Variants in PLCH1 observed in about 807,000 individuals in gnomAD.
PLCH1 encodes the protein 1-phosphatidylinositol 4,5-bisphosphate phosphodiesterase eta-1.
In PLCH1, 60 loss-of-function variants were observed where a neutral mutation model predicts 126.7. The ratio of observed to expected loss-of-function variants is 0.47; its 90% CI spans 0.38 to 0.59. The LOEUF is 0.59. PLCH1 is among the 20% of genes least tolerant of loss of function. The probability of loss-of-function intolerance (pLI) is 0.00; values close to 1 mark genes in which losing one functional copy is unlikely to be tolerated. For synonymous variants in PLCH1, 719 were observed against 734.9 expected (o/e 0.98, Z 0.35); for missense variants, 1,723 against 2,040.0 (o/e 0.84, Z 2.99).
chr3:155,539,471 G>C (rs1723921085), intron 10 of PLCH1, among the ~76,000 whole-genome samples: 1 of 152,100 alleles, frequency 6.6e-6, no homozygotes, highest in African/African-American at 2.4e-5. Flanking sequence ...AATTGTTGCT[G>C]TTCGCTGATG....
intron 8 of PLCH1, among the ~76,000 whole-genome samples, chr3:155,554,703 T>C (rs772240247): frequency 6.6e-6 from 1 of 152,228 alleles, no homozygotes; most frequent in Non-Finnish European, 1.5e-5. Context: ...AGTTATAAAA[T>C]AACATCAACT....
Position 155,600,740 on chromosome 3 carries a change from T to G in PLCH1, c.80-4362A>C, listed in dbSNP as rs138186833. Among the ~76,000 whole-genome samples the G allele has an allele frequency of 3.0e-3, 455 of 152,324 alleles. 2 individuals carry two copies. The highest frequency in any genetic ancestry group is 0.019 in the South Asian group (93 of 4,832). On this transcript the variant is annotated intron_variant, in intron 2 of 22. Transcript: ENST00000460012. Reference sequence around the variant, plus strand: ...AAAAATGTGTTGCACTGGTTGAAATTGTGATATTTAAGCCATTTGGCACTC... The same window carrying G: ...AAAAATGTGTTGCACTGGTTGAAATGGTGATATTTAAGCCATTTGGCACTC...
chr3:155,651,777 C>T (rs922867857), intron 2 of PLCH1, among the ~76,000 whole-genome samples: 3 of 152,154 alleles, frequency 2.0e-5, no homozygotes, highest in Non-Finnish European at 4.4e-5. Context: ...CTAATTCCTT[C>T]TTTCAATTTT....
intron 1 of PLCH1, among the ~76,000 whole-genome samples, chr3:155,713,159 G>A (rs953652551): frequency 3.0e-4 from 46 of 151,972 alleles, no homozygotes; most frequent in South Asian, 2.1e-4. Context: ...CTGACATTCC[G>A]CTTCCCTATA....
chr3:155,546,023 G>A (rs1259243350), intron 10 of PLCH1, among the ~76,000 whole-genome samples: 4 of 152,046 alleles, frequency 2.6e-5, no homozygotes, highest in African/African-American at 4.8e-5. Context: ...ACATAGTGTT[G>A]GAAGTTCTGG....
Position 155,549,968 on chromosome 3 carries a change from G to C in PLCH1, c.1191-10C>G. On this transcript the variant is annotated splice_polypyrimidine_tract_variant and intron_variant, in intron 9 of 22. Coordinates refer to ENST00000460012, the MANE Select transcript of PLCH1 (RefSeq NM_014996.4). ...CAATATAACAGGAAACCTGAGAAAA[G>C]AGCAACACAGTCCAGAGGCGTCAGG... is the stretch of plus-strand genomic sequence containing the variant. 6.2e-7 allele frequency: 1 copy of C among 1,612,078 alleles called. No individual in the cohort carries two copies. Among genetic ancestry groups the C allele is most frequent in the South Asian group, 1.1e-5 (1 of 90,728 alleles).
chr3:155,741,819 ATCAC>A lies in PLCH1; in HGVS notation c.-41+3017_-41+3020del, dbSNP rs1749667423. 2.6e-5 allele frequency among the ~76,000 whole-genome samples: 4 copies of A among 151,628 alleles called. No homozygotes were observed. The South Asian group carries it at 8.3e-4, about 31-fold the overall frequency. Reference sequence around the variant, plus strand: ...CAGAGCCAGAACAAAGGATTACTGAATCACTCACCTTATCTTCATCTAAGAAACC... The same window carrying A: ...CAGAGCCAGAACAAAGGATTACTGAATCACCTTATCTTCATCTAAGAAACC... On this transcript the variant is annotated intron_variant, in intron 1 of 22. Transcript: ENST00000460012.
intron 2 of PLCH1, among the ~76,000 whole-genome samples, chr3:155,665,180 G>A (rs539115641): frequency 6.6e-6 from 1 of 152,228 alleles, no homozygotes; most frequent in South Asian, 2.1e-4. Context: ...AGAACCACAA[G>A]ACAGAAGCAG....
chr3:155,459,119 T>C (rs1437567782), intron 21 of PLCH1, among the ~76,000 whole-genome samples: 2 of 152,220 alleles, frequency 1.3e-5, no homozygotes, highest in Non-Finnish European at 2.9e-5. Context: ...GGTAAGTCTT[T>C]GAATATTAAG....
chr3:155,577,381 TG>T (rs1441470241), intron 6 of PLCH1, among the ~76,000 whole-genome samples: 9 of 152,174 alleles, frequency 5.9e-5, no homozygotes, highest in East Asian at 1.9e-4. Context: ...ATTTTTCCAT[TG>T]TTTTTTTTTT....
At chr3:155,486,628 C>T (rs1473796496) in intron 21 of PLCH1, among the ~76,000 whole-genome samples, 4 of 151,152 alleles carry the variant, frequency 2.6e-5, no homozygotes, top group African/African-American at 9.7e-5. Flanking sequence ...GGGTTCACGC[C>T]ATTCTCCTGC....
intron 11 of PLCH1, among the ~76,000 whole-genome samples, chr3:155,520,843 T>C (rs1720988802): frequency 6.6e-6 from 1 of 152,204 alleles, no homozygotes; most frequent in African/African-American, 2.4e-5. Flanking sequence ...GGTAGAAGCT[T>C]AAAAGATTCA....
At chr3:155,710,112 C>T (rs1273227378) in intron 1 of PLCH1, among the ~76,000 whole-genome samples, 3 of 152,098 alleles carry the variant, frequency 2.0e-5, no homozygotes, top group Non-Finnish European at 2.9e-5. Flanking sequence ...CTCGGCCTCC[C>T]GACTAGCAGG....
At chr3:155,516,085 A>C (rs1002590367) in intron 11 of PLCH1, among the ~76,000 whole-genome samples, 2 of 152,224 alleles carry the variant, frequency 1.3e-5, no homozygotes, top group Non-Finnish European at 2.9e-5. Flanking sequence ...TAACATGCCC[A>C]ATTAATGAGG....
chr3:155,571,491 A>G lies in PLCH1; in HGVS notation c.772-3167T>C, dbSNP rs554565356. Among the ~76,000 whole-genome samples, 3 of 152,204 alleles carry G rather than the reference A, an allele frequency of 2.0e-5. No individual in the cohort carries two copies. In the East Asian group the frequency reaches 5.8e-4, roughly 29 times the overall value. The stretch of plus-strand genomic sequence containing the variant: ...AGGGACCTCACTGCAACCTCTGCTT[A>G]CCGCGTTCAAGCAATTCTCCTGCCT... On this transcript the variant is annotated intron_variant, in intron 6 of 22. Transcript: ENST00000460012.
chr3:155,500,425 G>T (rs978735747), intron 14 of PLCH1, among the ~76,000 whole-genome samples: 5 of 152,152 alleles, frequency 3.3e-5, no homozygotes, highest in African/African-American at 1.2e-4. Context: ...GACGGTCTTT[G>T]TATTAGTTCA....
At position 155,522,967 on chromosome 3, in the gene PLCH1, G is replaced by GGC. The variant is rs555464035; in HGVS notation, c.1470+929_1470+930insGC. On this transcript the variant is annotated intron_variant, in intron 11 of 22. Transcript: ENST00000460012. Reference sequence around the variant, plus strand: ...AATGATGCTTTTCTTTTTTTGCGGGGGGGGTGGGGTGTGGGGTTGGAGGTG... The same window carrying GGC: ...AATGATGCTTTTCTTTTTTTGCGGGGGCGGGGTGGGGTGTGGGGTTGGAGGTG... 5.5e-3 allele frequency among the ~76,000 whole-genome samples: 825 copies of GGC among 149,524 alleles called. 9 individuals are homozygous for GGC. The highest frequency in any genetic ancestry group is 0.019 in the African/African-American group (765 of 39,996).
intron 13 of PLCH1, among the ~76,000 whole-genome samples, chr3:155,501,981 C>T (rs1717969970): frequency 6.6e-6 from 1 of 151,820 alleles, no homozygotes; most frequent in Non-Finnish European, 1.5e-5. Flanking sequence ...AGGACCATGC[C>T]ACCTTCTAGA....
At chr3:155,530,624 G>A (rs898356770) in intron 10 of PLCH1, among the ~76,000 whole-genome samples, 1 of 152,004 alleles carries the variant, frequency 6.6e-6, no homozygotes, top group African/African-American at 2.4e-5. Flanking sequence ...CATCTACAGT[G>A]ACTTTCTCCA....
Sources: gnomAD v4.1 joint callset for allele counts (sites outside exome capture counted in the v4.1 genomes callset) on GRCh38, gnomAD v4.1.1 for gene constraint, MANE v1.5 for transcripts, NCBI Gene and HGNC (gene_info 2026-07-23, HGNC 2026-07-21) for gene names.